The following LDB2 variants were observed in gnomAD, a reference collection of about 807,000 sequenced individuals.
LDB2 encodes the protein LIM domain binding 2.
In LDB2, 12 loss-of-function variants were observed where a neutral mutation model predicts 44.3. The ratio of observed to expected loss-of-function variants is 0.27; its 90% CI spans 0.17 to 0.44. The LOEUF (loss-of-function observed/expected upper bound fraction) is 0.44, where lower values mean the gene tolerates loss of function less well. LDB2 is among the 20% of genes least tolerant of loss of function. LDB2 has a pLI of 1.00. For synonymous variants in LDB2, 164 were observed against 174.8 expected, an observed-to-expected ratio of 0.94 and a Z score of 0.49; for missense variants, 344 against 473.5, an observed-to-expected ratio of 0.73 and a Z score of 2.54.
chr4:16,823,567 C>T (rs907897367), intron 1 of LDB2, among the ~76,000 whole-genome samples: 2 of 152,174 alleles, frequency 1.3e-5, no homozygotes, highest in African/African-American at 2.4e-5. Flanking sequence ...AGCTTAACCA[C>T]AGCCAAGCTG....
chr4:16,505,901 C>T (rs1258959375), intron 7 of LDB2: 1 of 1,551,546 alleles, frequency 6.4e-7, no homozygotes, highest in Admixed American at 2.0e-5. Context: ...TTAAATTGGC[C>T]AGAAGGGGTC....
chr4:16,721,431 G>C (rs562781595), intron 2 of LDB2, among the ~76,000 whole-genome samples: 1 of 152,088 alleles, frequency 6.6e-6, no homozygotes, highest in African/African-American at 2.4e-5. Flanking sequence ...TCACTTCCTA[G>C]ATAGAATTCC....
chr4:16,539,438 G>A (rs1454663288), intron 5 of LDB2, among the ~76,000 whole-genome samples: 1 of 152,112 alleles, frequency 6.6e-6, no homozygotes, highest in Non-Finnish European at 1.5e-5. Flanking sequence ...CTTCCCTCTG[G>A]TCACATACAC....
intron 5 of LDB2, among the ~76,000 whole-genome samples, chr4:16,560,187 G>C (rs1298932925): frequency 6.6e-6 from 1 of 152,144 alleles, no homozygotes; most frequent in African/African-American, 2.4e-5. Context: ...ACATTCAAAA[G>C]CTAGCAGAAG....
At chr4:16,756,956 A>AC (rs1561120556) in intron 2 of LDB2, among the ~76,000 whole-genome samples, 1 of 144,822 alleles carries the variant, frequency 6.9e-6, no homozygotes, top group Non-Finnish European at 1.5e-5. Flanking sequence ...GTGATTGGGG[A>AC]TTTTTTTTTT....
rs5856385 is a variant in LDB2, at chr4:16,800,150, G to GA, written c.133-40891dup. ...ACATATTTCTTTACCTTACTGTCAG[G>GA]AAAAAAAAAAATGTGAAAAGCTTTC... On this transcript the variant is annotated intron_variant, in intron 1 of 7. Coordinates refer to ENST00000304523, the MANE Select transcript of LDB2 (RefSeq NM_001290.5). 2.0e-4 allele frequency among the ~76,000 whole-genome samples: 30 copies of GA among 150,554 alleles called. No homozygotes were observed. The East Asian group carries it at 2.5e-3, about 13-fold the overall frequency.
chr4:16,611,213 A>C (rs1006517146), intron 2 of LDB2, among the ~76,000 whole-genome samples: 1 of 152,182 alleles, frequency 6.6e-6, no homozygotes, highest in African/African-American at 2.4e-5. Context: ...CTCCTGAAAG[A>C]AGCACTAAAT....
At chr4:16,545,104 C>T (rs973278817) in intron 5 of LDB2, among the ~76,000 whole-genome samples, 2 of 151,936 alleles carry the variant, frequency 1.3e-5, no homozygotes, top group Non-Finnish European at 2.9e-5. Flanking sequence ...TTGGATCTGC[C>T]TGCTCTCCTT....
chr4:16,743,083 A>G (rs1362850218), intron 2 of LDB2, among the ~76,000 whole-genome samples: 1 of 152,072 alleles, frequency 6.6e-6, no homozygotes, highest in Non-Finnish European at 1.5e-5. Flanking sequence ...TGAGGTCAGG[A>G]GTTCGAGACC....
chr4:16,870,359 G>A (rs182027767), intron 1 of LDB2, among the ~76,000 whole-genome samples: 314 of 152,238 alleles, frequency 2.1e-3, no homozygotes, highest in Admixed American at 3.5e-3. Flanking sequence ...TCCAACTTCC[G>A]TATCTTACAG....
chr4:16,569,888 C>T (rs796580037), intron 5 of LDB2, among the ~76,000 whole-genome samples: 9 of 152,238 alleles, frequency 5.9e-5, no homozygotes, highest in African/African-American at 2.2e-4. Flanking sequence ...CACCCCACAC[C>T]TACCCTCACA....
At chr4:16,644,439 T>C (rs1270894660) in intron 2 of LDB2, among the ~76,000 whole-genome samples, 1 of 151,512 alleles carries the variant, frequency 6.6e-6, no homozygotes, top group Admixed American at 6.6e-5. Context: ...CTTTTTTTTT[T>C]TTTTTGAGAT....
intron 2 of LDB2, among the ~76,000 whole-genome samples, chr4:16,745,001 A>C (rs1219459345): frequency 6.6e-6 from 1 of 152,224 alleles, no homozygotes; most frequent in African/African-American, 2.4e-5. Flanking sequence ...TCAGATAGAC[A>C]CTATTTTCAT....
chr4:16,641,648 C>T (rs1044289733), intron 2 of LDB2, among the ~76,000 whole-genome samples: 3 of 152,100 alleles, frequency 2.0e-5, no homozygotes, highest in African/African-American at 7.2e-5. Context: ...CGCTCATTAC[C>T]ACAAGGATGG....
intron 2 of LDB2, among the ~76,000 whole-genome samples, chr4:16,742,924 T>C (rs1763620971): frequency 6.6e-6 from 1 of 152,190 alleles, no homozygotes; most frequent in African/African-American, 2.4e-5. Flanking sequence ...GCCTCTGCCA[T>C]GCCTCCCAAC....
At chr4:16,675,348 T>C (rs1435487675) in intron 2 of LDB2, among the ~76,000 whole-genome samples, 1 of 152,192 alleles carries the variant, frequency 6.6e-6, no homozygotes, top group African/African-American at 2.4e-5. Context: ...GCATGATATG[T>C]CCTCATGTGA....
At chr4:16,739,082 C>T (rs535933490) in intron 2 of LDB2, among the ~76,000 whole-genome samples, 1 of 152,182 alleles carries the variant, frequency 6.6e-6, no homozygotes, top group African/African-American at 2.4e-5. Context: ...CCAGATGAAA[C>T]TTTCAAGTGG....
At chr4:16,661,467 T>A (rs1319342381) in intron 2 of LDB2, among the ~76,000 whole-genome samples, 2 of 152,210 alleles carry the variant, frequency 1.3e-5, no homozygotes, top group African/African-American at 2.4e-5. Flanking sequence ...AGTTACTTAA[T>A]CCCACCATGC....
At chr4:16,640,474 A>G (rs1227053094) in intron 2 of LDB2, among the ~76,000 whole-genome samples, 1 of 152,166 alleles carries the variant, frequency 6.6e-6, no homozygotes, top group East Asian at 1.9e-4. Context: ...CGAGGACAAT[A>G]TTAGGGATGA....
Sources: allele counts gnomAD v4.1 joint callset (sites outside exome capture counted in the v4.1 genomes callset), GRCh38; gene constraint gnomAD v4.1.1; transcripts MANE v1.5; gene names NCBI Gene and HGNC (gene_info 2026-07-23, HGNC 2026-07-21).